Variants in EVI5 observed in about 807,000 individuals in gnomAD.
The protein encoded by EVI5 is ecotropic viral integration site 5 protein homolog.
Under a neutral mutation model 112.0 loss-of-function variants are expected in EVI5, and 73 were observed. That is an observed-to-expected ratio of 0.65 (90% CI 0.54 to 0.79). EVI5 has a LOEUF of 0.79. EVI5 is among the 30% of genes least tolerant of loss of function. The probability of loss-of-function intolerance (pLI) is 0.00; values close to 1 mark genes in which losing one functional copy is unlikely to be tolerated. For missense variants in EVI5, 900 were observed against 968.8 expected (o/e 0.93, Z 0.94); for synonymous variants, 305 against 319.9 (o/e 0.95, Z 0.50).
At chr1:92,727,987 C>A (rs1273465508) in intron 2 of EVI5, among the ~76,000 whole-genome samples, 1 of 149,888 alleles carries the variant, frequency 6.7e-6, no homozygotes, top group African/African-American at 2.5e-5. Context: ...GAGTGCGACC[C>A]TGTCTCAAAA....
At chr1:92,687,852 G>T (rs1668824599) in intron 9 of EVI5, among the ~76,000 whole-genome samples, 1 of 152,162 alleles carries the variant, frequency 6.6e-6, no homozygotes, top group Non-Finnish European at 1.5e-5. Context: ...TCTCATGCCA[G>T]TTAGATGGTG....
chr1:92,590,683 C>A (rs1388750930), intron 18 of EVI5, among the ~76,000 whole-genome samples: 1 of 151,962 alleles, frequency 6.6e-6, no homozygotes, highest in Non-Finnish European at 1.5e-5. Context: ...AGGTGGAAAA[C>A]ACTCTGCAGG....
rs1661170663 is a variant in EVI5 at position 92,522,675 on chromosome 1, G to A, written c.2167-8705C>T. Among the ~76,000 whole-genome samples, 6 of 137,768 alleles carry A rather than the reference G, an allele frequency of 4.4e-5. No individual in the cohort carries two copies. In the South Asian group the frequency reaches 1.2e-3, roughly 28 times the overall value. 90.4% of individuals were successfully genotyped at this position (137,768 alleles called of 152,430 possible). A position where few individuals can be genotyped will look rare whatever the true frequency, so the allele number is the denominator to read the frequency against. ...AAGAATTTACACCCTCAACAACACT[G>A]TAAAGTTCTGGTTTCCCTACAACTT... On this transcript the variant is annotated intron_variant, in intron 19 of 19. Coordinates refer to ENST00000684568, the MANE Select transcript of EVI5 (RefSeq NM_001350197.2).
chr1:92,561,945 T>C lies in EVI5; in HGVS notation c.2166+1697A>G, dbSNP rs74767383. 4.0e-4 allele frequency among the ~76,000 whole-genome samples: 61 copies of C among 152,298 alleles called. No individual in the cohort carries two copies. The East Asian group carries it at 4.6e-3, about 12-fold the overall frequency. On this transcript the variant is annotated intron_variant, in intron 19 of 19. Transcript: ENST00000684568. ...GCGCCCACACCTGGTCAGAATATCA[T>C]TATTTTTAGTCAAAGCATATGACAG...
intron 1 of EVI5, among the ~76,000 whole-genome samples, chr1:92,757,418 T>C (rs1364505833): frequency 6.6e-6 from 1 of 152,006 alleles, no homozygotes; most frequent in African/African-American, 2.4e-5. Flanking sequence ...ATTCTACAGT[T>C]TTGAGTTTTA....
At chr1:92,557,298 G>GT (rs1667826230) in intron 19 of EVI5, among the ~76,000 whole-genome samples, 1 of 141,304 alleles carries the variant, frequency 7.1e-6, no homozygotes, top group Non-Finnish European at 1.6e-5. Flanking sequence ...TTCTTTTTTT[G>GT]TTTTTTTGAG....
intron 9 of EVI5, among the ~76,000 whole-genome samples, chr1:92,689,542 T>C (rs1371003379): frequency 2.0e-5 from 3 of 152,128 alleles, no homozygotes; most frequent in Non-Finnish European, 4.4e-5. Flanking sequence ...AATTTTTCTA[T>C]TTTTTTGTAG....
At chr1:92,555,668 G>A (rs1318849554) in intron 19 of EVI5, among the ~76,000 whole-genome samples, 2 of 151,978 alleles carry the variant, frequency 1.3e-5, no homozygotes, top group Non-Finnish European at 1.5e-5. Context: ...TGGGCAACAC[G>A]GTGAAACCCT....
Position 92,565,965 on chromosome 1 carries a change from A to AAAAAAAAG in EVI5, c.2071-2229_2071-2228insCTTTTTTT, listed in dbSNP as rs1669403225. On this transcript the variant is annotated intron_variant, in intron 18 of 19. Coordinates refer to ENST00000684568, the MANE Select transcript of EVI5 (RefSeq NM_001350197.2). ...AGCCCGAGCAAAAAAAAAAAAAAAAAAAAGAAATGTTCTAGCGACAGAGTG... is the reference window on the plus strand; with the variant it reads ...AGCCCGAGCAAAAAAAAAAAAAAAAAAAAAAAAGAAAGAAATGTTCTAGCGACAGAGTG... 1.3e-5 allele frequency among the ~76,000 whole-genome samples: 2 copies of AAAAAAAAG among 149,754 alleles called. 1 individual carries two copies. The highest frequency in any genetic ancestry group is 4.3e-4 in the South Asian group (2 of 4,620).
chr1:92,575,530 C>T (rs1670923338), intron 18 of EVI5, among the ~76,000 whole-genome samples: 1 of 145,688 alleles, frequency 6.9e-6, no homozygotes, highest in Non-Finnish European at 1.5e-5. Context: ...ATCCCTTTAG[C>T]CTCTTTTAAT....
intron 18 of EVI5, among the ~76,000 whole-genome samples, chr1:92,578,732 A>AG (rs1386256921): frequency 2.0e-5 from 3 of 148,184 alleles, no homozygotes; most frequent in Non-Finnish European, 4.5e-5. Flanking sequence ...AAAAAAAAAA[A>AG]GAAAAGAAAA....
At chr1:92,667,318 C>T (rs1341979928) in intron 10 of EVI5, among the ~76,000 whole-genome samples, 1 of 151,964 alleles carries the variant, frequency 6.6e-6, no homozygotes, top group Admixed American at 6.6e-5. Flanking sequence ...ATTTAGACTT[C>T]AATAGTCTCC....
chr1:92,598,875 A>G (rs535829654), intron 18 of EVI5, among the ~76,000 whole-genome samples: 1 of 152,284 alleles, frequency 6.6e-6, no homozygotes, highest in Non-Finnish European at 1.5e-5. Flanking sequence ...GAATACAAAG[A>G]CAGGGTGGTG....
intron 19 of EVI5, among the ~76,000 whole-genome samples, chr1:92,529,492 T>G (rs1662477712): frequency 6.6e-6 from 1 of 152,226 alleles, no homozygotes; most frequent in African/African-American, 2.4e-5. Flanking sequence ...TATGTATTCA[T>G]GCAAACTGCC....
intron 9 of EVI5, among the ~76,000 whole-genome samples, chr1:92,688,559 T>C (rs145051588): frequency 6.6e-6 from 1 of 152,034 alleles, no homozygotes; most frequent in African/African-American, 2.4e-5. Context: ...AGGTTTTCCT[T>C]CCTTCCTTTA....
chr1:92,515,391 C>A (rs1659701338), intron 19 of EVI5, among the ~76,000 whole-genome samples: 1 of 152,230 alleles, frequency 6.6e-6, no homozygotes, highest in South Asian at 2.1e-4. Context: ...AAATCCACAA[C>A]CATGACAGTA....
At chr1:92,622,342 T>C in intron 16 of EVI5, 1 of 445,852 alleles carries the variant, frequency 2.2e-6, no homozygotes, top group Non-Finnish European at 4.5e-6. Flanking sequence ...GGTTCCAGAC[T>C]GCCAACAGTG....
At chr1:92,665,883 T>G in intron 11 of EVI5, 56 bp downstream of exon 11, 2 of 1,231,326 alleles carry the variant, frequency 1.6e-6, no homozygotes, top group Non-Finnish European at 2.3e-6. Flanking sequence ...TTAATAAATA[T>G]ACAGAAAAAA....
intron 18 of EVI5, among the ~76,000 whole-genome samples, chr1:92,603,939 GT>G (rs1300039190): frequency 2.0e-5 from 3 of 151,878 alleles, no homozygotes; most frequent in Non-Finnish European, 4.4e-5. Flanking sequence ...GTCTCACTTT[GT>G]TTGTCAGGTT....
Sources: allele counts gnomAD v4.1 joint callset (sites outside exome capture counted in the v4.1 genomes callset), GRCh38; gene constraint gnomAD v4.1.1; transcripts MANE v1.5; gene names NCBI Gene and HGNC (gene_info 2026-07-23, HGNC 2026-07-21).